The following CHD9 variants were observed in gnomAD, a reference collection of about 807,000 sequenced individuals.
CHD9 encodes chromodomain helicase DNA binding protein 9.
CHD9 carries 77 observed loss-of-function variants against 316.1 expected under a neutral mutation model. The ratio of observed to expected loss-of-function variants is 0.24; its 90% CI spans 0.20 to 0.29. The LOEUF (loss-of-function observed/expected upper bound fraction) is 0.29. Among genes scored for constraint, CHD9 ranks in the 10% least tolerant of loss-of-function variants. The pLI, the probability that CHD9 is intolerant of heterozygous loss-of-function variation, is 1.00. For synonymous variants in CHD9, 1,129 were observed against 1,158.3 expected (o/e 0.97, Z 0.51); for missense variants, 2,763 against 3,438.1 (o/e 0.80, Z 4.91).
chr16:53,300,009 A>G (rs1375718541), intron 30 of CHD9, among the ~76,000 whole-genome samples: 1 of 152,258 alleles, frequency 6.6e-6, no homozygotes, highest in Non-Finnish European at 1.5e-5. Flanking sequence ...ACACCTTGTC[A>G]TTTTAACTGT....
At chr16:53,306,119 T>C (rs540284726) in intron 31 of CHD9, 118 bp from the exon 32 acceptor site, 2 of 552,552 alleles carry the variant, frequency 3.6e-6, no homozygotes, top group East Asian at 7.0e-5. Context: ...TTTTTATCAT[T>C]TGTTTTTACT....
At chr16:53,095,029 A>G (rs2036264748) in intron 1 of CHD9, among the ~76,000 whole-genome samples, 1 of 151,964 alleles carries the variant, frequency 6.6e-6, no homozygotes, top group Admixed American at 6.6e-5. Context: ...ACCTTGTGCA[A>G]CCTGCATCTG....
chr16:53,272,047 A>G (rs2052323117), intron 22 of CHD9, among the ~76,000 whole-genome samples: 1 of 152,126 alleles, frequency 6.6e-6, no homozygotes, highest in Non-Finnish European at 1.5e-5. Flanking sequence ...GTATATTTTC[A>G]CCTGTTAAAA....
In CHD9 at chr16:53,304,119, A is replaced by C. The variant is rs1206106236; in HGVS notation, c.6113A>C (p.Lys2038Thr). 1 of 1,613,836 alleles carries C rather than the reference A, an allele frequency of 6.2e-7. No individual in the cohort carries two copies. The highest frequency in any genetic ancestry group is 8.5e-7 in the Non-Finnish European group (1 of 1,179,840). Residue 2038 changes from lysine (K) to threonine (T), a missense_variant, in exon 31 of 39, where the codon AAA becomes ACA. Coordinates refer to ENST00000447540, the MANE Select transcript of CHD9 (RefSeq NM_001308319.2). Reference protein sequence around the residue: ...LTSLPRLLDAKGIILEEMKVK... With the variant: ...LTSLPRLLDATGIILEEMKVK... Reference sequence around the variant, plus strand: ...TCTCTACCTAGGCTCCTAGATGCTAAAGGTATTATTCTAGAGGAGATGAAA... The same window carrying C: ...TCTCTACCTAGGCTCCTAGATGCTACAGGTATTATTCTAGAGGAGATGAAA...
At chr16:53,081,529 T>A (rs975083031) in intron 1 of CHD9, among the ~76,000 whole-genome samples, 7 of 152,144 alleles carry the variant, frequency 4.6e-5, no homozygotes, top group Non-Finnish European at 1.0e-4. Flanking sequence ...AGTAGGCGTG[T>A]CTTATTCACC....
intron 2 of CHD9, among the ~76,000 whole-genome samples, chr16:53,162,607 T>C (rs911018597): frequency 2.8e-5 from 4 of 145,060 alleles, no homozygotes; most frequent in African/African-American, 7.3e-5. Flanking sequence ...AAACAGGAAA[T>C]AGAATTTTAA....
rs139882790 is a variant in CHD9 at position 53,291,442 on chromosome 16, T to C, written c.5248-283T>C. 1.6e-3 allele frequency among the ~76,000 whole-genome samples: 248 copies of C among 152,118 alleles called. 1 individual carries two copies. Among genetic ancestry groups the C allele is most frequent in the African/African-American group, 4.5e-3 (188 of 41,504 alleles). ...AATAAAACCTAGGGCATACCCATAG[T>C]TAGAGGAAGGTTGGAGGAAAAGAAA... On this transcript the variant is annotated intron_variant, in intron 27 of 38. Coordinates refer to ENST00000447540, the MANE Select transcript of CHD9 (RefSeq NM_001308319.2).
intron 1 of CHD9, among the ~76,000 whole-genome samples, chr16:53,151,410 T>C (rs2041107453): frequency 6.6e-6 from 1 of 151,704 alleles, no homozygotes; most frequent in Non-Finnish European, 1.5e-5. Context: ...CCTGCCATCA[T>C]GCCAGGCTAG....
intron 27 of CHD9, among the ~76,000 whole-genome samples, chr16:53,288,407 A>T (rs897463530): frequency 2.6e-5 from 4 of 152,248 alleles, no homozygotes; most frequent in African/African-American, 9.6e-5. Context: ...GCATCAAGGA[A>T]TTCTGAGTTG....
At chr16:53,154,970 A>G (rs2041402494) in intron 1 of CHD9, among the ~76,000 whole-genome samples, 1 of 152,126 alleles carries the variant, frequency 6.6e-6, no homozygotes, top group Non-Finnish European at 1.5e-5. Flanking sequence ...ATTTAAAAAT[A>G]TGTCTACTCT....
At chr16:53,233,753 A>G (rs1213736354) in intron 10 of CHD9, among the ~76,000 whole-genome samples, 1 of 152,218 alleles carries the variant, frequency 6.6e-6, no homozygotes, top group Non-Finnish European at 1.5e-5. Flanking sequence ...GAACCCAAGG[A>G]TATCAGGAGT....
intron 33 of CHD9, 133 bp downstream of exon 33, chr16:53,308,086 T>C: frequency 1.3e-6 from 1 of 773,994 alleles, no homozygotes; most frequent in East Asian, 2.7e-5. Flanking sequence ...TTATTTTCTT[T>C]CTGATATCCA....
rs141785308 is a variant in CHD9, at chr16:53,107,845, C to A, written c.-164-48081C>A. ...AATGAACAAACAGAAATTCTTATCCCCTGAAGCTTATTTTCTAATGGAGAG... is the reference window on the plus strand; with the variant it reads ...AATGAACAAACAGAAATTCTTATCCACTGAAGCTTATTTTCTAATGGAGAG... On this transcript the variant is annotated intron_variant, in intron 1 of 38. Coordinates refer to ENST00000447540, the MANE Select transcript of CHD9 (RefSeq NM_001308319.2). 5.1e-3 allele frequency among the ~76,000 whole-genome samples: 783 copies of A among 152,154 alleles called. 3 individuals carry two copies. The highest frequency in any genetic ancestry group is 8.3e-3 in the Non-Finnish European group (562 of 68,012).
intron 16 of CHD9, among the ~76,000 whole-genome samples, chr16:53,249,141 A>G (rs1321572362): frequency 2.0e-5 from 3 of 152,130 alleles, no homozygotes; most frequent in African/African-American, 7.2e-5. Flanking sequence ...GAAAATTCAG[A>G]GTTTCTTTAT....
chr16:53,229,770 G>A (rs569863160), intron 8 of CHD9, among the ~76,000 whole-genome samples: 75 of 152,118 alleles, frequency 4.9e-4, no homozygotes, highest in African/African-American at 1.8e-3. Context: ...ATACACACAC[G>A]TATTTTTCTA....
chr16:53,127,862 T>G (rs59924446), intron 1 of CHD9, among the ~76,000 whole-genome samples: 47,924 of 147,454 alleles, frequency 0.33, 7,898 homozygotes, highest in African/African-American at 0.36. Flanking sequence ...TGGAGGTTGG[T>G]GTCCCGGGAG....
intron 38 of CHD9, 104 bp downstream of exon 38, chr16:53,321,734 G>C: frequency 1.4e-6 from 1 of 712,572 alleles, no homozygotes; most frequent in East Asian, 2.9e-5. Context: ...ATGAATTTGT[G>C]ACAGCATTTT....
At position 53,245,398 on chromosome 16, in the gene CHD9, T is replaced by C; in HGVS notation, c.3117T>C (p.Leu1039=). ...LQNTVEELFS[L]LHFLEPLRFP... is the part of the protein sequence containing the mutation. ...ATACAGTTGAAGAACTATTTAGTCTTCTTCACTTTCTTGAACCCTTAAGGT... is the reference window on the plus strand; with the variant it reads ...ATACAGTTGAAGAACTATTTAGTCTCCTTCACTTTCTTGAACCCTTAAGGT... Residue 1039 remains leucine (L), a synonymous_variant, in exon 14 of 39, where the codon CTT becomes CTC. Transcript: ENST00000447540. This position sits in a 1 kb window ranked among gnomAD's most constrained non-coding sequence, Gnocchi z 4.1. 1 of 1,598,266 alleles carries C rather than the reference T, an allele frequency of 6.3e-7. No individual in the cohort carries two copies. Among genetic ancestry groups the C allele is most frequent in the Non-Finnish European group, 8.5e-7 (1 of 1,172,666 alleles).
chr16:53,248,605 A>C (rs1285126260), intron 16 of CHD9, among the ~76,000 whole-genome samples: 1 of 141,404 alleles, frequency 7.1e-6, no homozygotes, highest in Non-Finnish European at 1.5e-5. Flanking sequence ...AGCTCATTGC[A>C]ACCTCGAACT....
Sources: gnomAD v4.1 joint callset for allele counts (sites outside exome capture counted in the v4.1 genomes callset) on GRCh38, gnomAD v4.1.1 for gene constraint, Gnocchi (gnomAD v3.1) non-coding constraint, MANE v1.5 for transcripts, NCBI Gene and HGNC (gene_info 2026-07-23, HGNC 2026-07-21) for gene names.